Variants in CTNND2 observed in about 807,000 individuals in gnomAD.
CTNND2 encodes catenin delta 2.
CTNND2 carries 22 observed loss-of-function variants against 144.4 expected under a neutral mutation model. The ratio of observed to expected loss-of-function variants is 0.15; its 90% CI spans 0.11 to 0.22. The LOEUF is 0.22. Among genes scored for constraint, CTNND2 ranks in the 10% least tolerant of loss-of-function variants. The probability of loss-of-function intolerance (pLI) is 1.00; values close to 1 mark genes in which losing one functional copy is unlikely to be tolerated. For missense variants in CTNND2, 1,353 were observed against 1,618.8 expected (o/e 0.84, Z 2.82); for synonymous variants, 751 against 695.6 (o/e 1.08, Z -1.25).
chr5:11,137,215 T>A (rs1413400315), intron 12 of CTNND2, among the ~76,000 whole-genome samples: 1 of 152,248 alleles, frequency 6.6e-6, no homozygotes, highest in Non-Finnish European at 1.5e-5. Flanking sequence ...ATATGAGGAA[T>A]TAATCCATTC....
intron 19 of CTNND2, among the ~76,000 whole-genome samples, chr5:10,990,653 T>G (rs115817670): frequency 2.6e-5 from 4 of 152,324 alleles, no homozygotes; most frequent in African/African-American, 9.6e-5. Context: ...GTGGTGTTTA[T>G]TAAACCACAT....
intron 2 of CTNND2, among the ~76,000 whole-genome samples, chr5:11,723,513 C>T (rs2126722836): frequency 6.6e-6 from 1 of 152,182 alleles, no homozygotes; most frequent in East Asian, 1.9e-4. Flanking sequence ...CAATGTAACA[C>T]TGGAAATGAG....
chr5:11,281,545 T>C (rs1225550144), intron 9 of CTNND2, among the ~76,000 whole-genome samples: 1 of 152,234 alleles, frequency 6.6e-6, no homozygotes, highest in Non-Finnish European at 1.5e-5. Context: ...TGTATATTAG[T>C]TTGCTAGGGC....
chr5:11,447,115 G>A (rs375789338), intron 3 of CTNND2, among the ~76,000 whole-genome samples: 2 of 152,192 alleles, frequency 1.3e-5, no homozygotes, highest in East Asian at 1.9e-4. Context: ...CGGCTAAGGC[G>A]GGCAGCTCAA....
intron 18 of CTNND2, among the ~76,000 whole-genome samples, chr5:10,995,256 A>C (rs1739214973): frequency 6.6e-6 from 1 of 152,178 alleles, no homozygotes; most frequent in African/African-American, 2.4e-5. Context: ...CAATATTGAG[A>C]GGGGTGCAAA....
At chr5:11,838,987 G>T (rs1483674576) in intron 1 of CTNND2, among the ~76,000 whole-genome samples, 1 of 152,148 alleles carries the variant, frequency 6.6e-6, no homozygotes, top group Non-Finnish European at 1.5e-5. Flanking sequence ...TAAAGTGGTA[G>T]AATGATGTAA....
intron 9 of CTNND2, among the ~76,000 whole-genome samples, chr5:11,265,698 A>ATTTTTT (rs5865929): frequency 9.4e-4 from 73 of 77,404 alleles, no homozygotes; most frequent in Non-Finnish European, 1.4e-3. Context: ...TGTATTCTCT[A>ATTTTTT]TTTTTTTTTT....
chr5:11,706,403 T>C (rs1453119851), intron 2 of CTNND2, among the ~76,000 whole-genome samples: 3 of 152,204 alleles, frequency 2.0e-5, no homozygotes, highest in Non-Finnish European at 4.4e-5. Flanking sequence ...ACACCAGTGC[T>C]TTCCAAATAT....
intron 3 of CTNND2, among the ~76,000 whole-genome samples, chr5:11,541,618 A>C (rs1462870132): frequency 6.6e-6 from 1 of 152,204 alleles, no homozygotes; most frequent in East Asian, 1.9e-4. Flanking sequence ...TTTTCTGTAC[A>C]GGGCTATAGA....
chr5:11,353,589 G>T (rs912431288), intron 8 of CTNND2, among the ~76,000 whole-genome samples: 1 of 152,170 alleles, frequency 6.6e-6, no homozygotes, highest in East Asian at 1.9e-4. Context: ...CGGATCACGA[G>T]GTCAGGAGTT....
At chr5:11,462,037 C>T (rs1454695550) in intron 3 of CTNND2, among the ~76,000 whole-genome samples, 1 of 152,016 alleles carries the variant, frequency 6.6e-6, no homozygotes, top group African/African-American at 2.4e-5. Context: ...ATCAACACCC[C>T]AGGTGGTGAC....
intron 1 of CTNND2, among the ~76,000 whole-genome samples, chr5:11,861,473 C>A (rs1327907131): frequency 6.6e-6 from 1 of 152,196 alleles, no homozygotes; most frequent in Non-Finnish European, 1.5e-5. Flanking sequence ...TCCATCCAAT[C>A]TGTCAGCAAA....
At chr5:11,787,018 C>T (rs1437370835) in intron 1 of CTNND2, among the ~76,000 whole-genome samples, 2 of 152,188 alleles carry the variant, frequency 1.3e-5, no homozygotes, top group Non-Finnish European at 2.9e-5. Context: ...AACTTAGGTT[C>T]CTCCAGACCT....
chr5:11,033,722 C>T (rs887717812), intron 16 of CTNND2, among the ~76,000 whole-genome samples: 3 of 152,050 alleles, frequency 2.0e-5, no homozygotes, highest in African/African-American at 7.2e-5. Context: ...CCCAGTTACT[C>T]GGGAGGTTGA....
chr5:11,000,446 G>T (rs560772031), intron 18 of CTNND2, among the ~76,000 whole-genome samples: 4 of 152,174 alleles, frequency 2.6e-5, no homozygotes, highest in Non-Finnish European at 4.4e-5. Context: ...GCTTGAAACC[G>T]TAAGGCAGAG....
At chr5:11,457,555 C>T (rs942711844) in intron 3 of CTNND2, among the ~76,000 whole-genome samples, 4 of 152,122 alleles carry the variant, frequency 2.6e-5, no homozygotes, top group African/African-American at 9.7e-5. Flanking sequence ...CTCTCCACTC[C>T]ATAGTTGGCA....
At chr5:11,584,253 C>T (rs1185996638) in intron 2 of CTNND2, among the ~76,000 whole-genome samples, 1 of 152,090 alleles carries the variant, frequency 6.6e-6, no homozygotes, top group Admixed American at 6.6e-5. Flanking sequence ...AGTTGCTCTC[C>T]TTGTAGGAAC....
intron 9 of CTNND2, among the ~76,000 whole-genome samples, chr5:11,273,035 C>T (rs1057272542): frequency 7.9e-5 from 12 of 152,114 alleles, no homozygotes; most frequent in Admixed American, 3.9e-4. Flanking sequence ...ACTGGCAGAC[C>T]TGTATTACAA....
At chr5:11,264,437 T>C (rs1285214045) in intron 9 of CTNND2, among the ~76,000 whole-genome samples, 6 of 152,146 alleles carry the variant, frequency 3.9e-5, no homozygotes, top group Admixed American at 6.5e-5. Context: ...CTGCTGAAAC[T>C]GTTTGAGGAA....
Sources: allele counts gnomAD v4.1 joint callset (sites outside exome capture counted in the v4.1 genomes callset), GRCh38; gene constraint gnomAD v4.1.1; transcripts MANE v1.5; gene names NCBI Gene and HGNC (gene_info 2026-07-23, HGNC 2026-07-21).